CDC14B: variants seen among roughly 807,000 people sequenced by gnomAD.
The protein encoded by CDC14B is cell division cycle 14B, also known as dual specificity protein phosphatase CDC14B.
A neutral mutation model predicts 64.2 loss-of-function variants in CDC14B; 22 were observed. That is an observed-to-expected ratio of 0.34 (90% CI 0.24 to 0.49). CDC14B has a LOEUF of 0.49. Among genes scored for constraint, CDC14B ranks in the 20% least tolerant of loss-of-function variants. The pLI is 0.99. For missense variants in CDC14B, 498 were observed against 629.9 expected (o/e 0.79, Z 2.24); for synonymous variants, 191 against 215.8 (o/e 0.89, Z 1.01).
At chr9:96,498,143 C>T (rs1400400484), downstream of CDC14B, among the ~76,000 whole-genome samples, 1 of 152,214 alleles carries the variant, frequency 6.6e-6, no homozygotes, top group Non-Finnish European at 1.5e-5. Flanking sequence ...AGCTCGTGTT[C>T]TTGGAGAATT....
At chr9:96,537,755 C>G (rs576820672) in intron 7 of CDC14B, among the ~76,000 whole-genome samples, 1 of 152,092 alleles carries the variant, frequency 6.6e-6, no homozygotes, top group South Asian at 2.1e-4. Context: ...CAGAATCTTG[C>G]TCTGTCACCC....
intron 13 of CDC14B, among the ~76,000 whole-genome samples, chr9:96,504,182 GAATGA>G (rs1178070285): frequency 6.6e-6 from 1 of 152,096 alleles, no homozygotes; most frequent in Non-Finnish European, 1.5e-5. Context: ...GGAGCGGGCA[GAATGA>G]AAAGATAGAG....
At chr9:96,596,712 T>C (rs1238276783) in intron 1 of CDC14B, among the ~76,000 whole-genome samples, 1 of 151,828 alleles carries the variant, frequency 6.6e-6, no homozygotes, top group African/African-American at 2.4e-5. Flanking sequence ...AATACAAAAA[T>C]TAGCCAAGAG....
intron 3 of CDC14B, among the ~76,000 whole-genome samples, chr9:96,563,900 G>T (rs1417080020): frequency 6.6e-6 from 1 of 152,046 alleles, no homozygotes; most frequent in African/African-American, 2.4e-5. Context: ...GCCATAAATA[G>T]TTATATTCCT....
intron 9 of CDC14B, among the ~76,000 whole-genome samples, chr9:96,533,435 C>CT (rs1040626686): frequency 2.6e-5 from 4 of 152,282 alleles, no homozygotes; most frequent in Middle Eastern, 3.4e-3. Flanking sequence ...GCTTGCTGAG[C>CT]TTTTTTTCCA....
At chr9:96,563,722 TA>T (rs1303589116) in intron 3 of CDC14B, among the ~76,000 whole-genome samples, 1 of 144,780 alleles carries the variant, frequency 6.9e-6, no homozygotes, top group Non-Finnish European at 1.5e-5. Flanking sequence ...ACCCAAAGAC[TA>T]AAAGTCCACA....
chr9:96,573,159 A>C lies in CDC14B; in HGVS notation c.161-7676T>G, dbSNP rs532133305. Among the ~76,000 whole-genome samples the C allele has an allele frequency of 9.9e-5, 15 of 152,110 alleles. No individual in the cohort carries two copies. The South Asian group carries it at 3.1e-3, about 32-fold the overall frequency. On this transcript the variant is annotated intron_variant, in intron 1 of 13. Transcript: ENST00000375241. Reference sequence around the variant, plus strand: ...CAGCATCTCTACTAAAAATACAAAAAATTAGCTGGGTATGGGTGGCCCGCG... The same window carrying C: ...CAGCATCTCTACTAAAAATACAAAACATTAGCTGGGTATGGGTGGCCCGCG...
intron 1 of CDC14B, among the ~76,000 whole-genome samples, chr9:96,594,279 T>C (rs76549245): frequency 0.054 from 8,171 of 152,048 alleles, 316 homozygotes; most frequent in Middle Eastern, 0.088. Context: ...CCAGGGAAAA[T>C]CAAGGCAGCA....
intron 12 of CDC14B, among the ~76,000 whole-genome samples, chr9:96,520,080 A>T (rs1287287511): frequency 6.6e-6 from 1 of 152,226 alleles, no homozygotes; most frequent in Non-Finnish European, 1.5e-5. Flanking sequence ...TGCAAATAAT[A>T]GCAGAGAGGG....
chr9:96,619,150 G>C, intron 1 of CDC14B, 69 bp downstream of exon 1: 5 of 1,185,308 alleles, frequency 4.2e-6, no homozygotes, highest in Non-Finnish European at 5.3e-6. Flanking sequence ...AGCCCGGTGG[G>C]AGGTGGGCCA....
intron 1 of CDC14B, among the ~76,000 whole-genome samples, chr9:96,583,847 T>C (rs1439088607): frequency 3.3e-5 from 5 of 152,192 alleles, no homozygotes; most frequent in Non-Finnish European, 7.3e-5. Flanking sequence ...GCCTTCCAAG[T>C]AGCTGGGACT....
At chr9:96,579,325 C>T (rs949298661) in intron 1 of CDC14B, among the ~76,000 whole-genome samples, 4 of 151,902 alleles carry the variant, frequency 2.6e-5, no homozygotes, top group Non-Finnish European at 4.4e-5. Flanking sequence ...CAGTGGCTCA[C>T]GCCTGTAATC....
Position 96,512,079 on chromosome 9 carries a change from C to T in CDC14B, c.1344-2290G>A, listed in dbSNP as rs570925090. 3.3e-5 allele frequency among the ~76,000 whole-genome samples: 5 copies of T among 151,348 alleles called. No homozygotes were observed. In the East Asian group the frequency reaches 7.8e-4, roughly 24 times the overall value. Reference sequence around the variant, plus strand: ...AAAATAATAATAATAATTAGCCGGGCGTGGTGGGGCGTGCCTTGGTTCCAG... The same window carrying T: ...AAAATAATAATAATAATTAGCCGGGTGTGGTGGGGCGTGCCTTGGTTCCAG... On this transcript the variant is annotated intron_variant, in intron 12 of 13. Coordinates refer to ENST00000375241, the MANE Select transcript of CDC14B (RefSeq NM_033331.4).
At chr9:96,618,702 C>T (rs1847793955) in intron 1 of CDC14B, 1 of 437,088 alleles carries the variant, frequency 2.3e-6, no homozygotes, top group Non-Finnish European at 4.5e-6. Context: ...GGACGGGCAA[C>T]GCGGCGCCCA....
intron 9 of CDC14B, among the ~76,000 whole-genome samples, chr9:96,523,938 A>G (rs1348627758): frequency 1.3e-5 from 2 of 152,122 alleles, no homozygotes; most frequent in Non-Finnish European, 2.9e-5. Flanking sequence ...TGTTTCATTT[A>G]TCTATTTATT....
intron 1 of CDC14B, among the ~76,000 whole-genome samples, chr9:96,573,528 G>C (rs1224241488): frequency 6.6e-6 from 1 of 151,960 alleles, no homozygotes; most frequent in Non-Finnish European, 1.5e-5. Context: ...TCAACAGGAA[G>C]ACTCAATATC....
At chr9:96,603,620 A>G (rs1399376005) in intron 1 of CDC14B, among the ~76,000 whole-genome samples, 1 of 152,212 alleles carries the variant, frequency 6.6e-6, no homozygotes, top group Non-Finnish European at 1.5e-5. Flanking sequence ...AAAACTATTA[A>G]GCTTCCAACG....
rs997019074 is a variant in CDC14B at position 96,500,766 on chromosome 9, C to T, written c.*2987G>A. 2.0e-5 allele frequency: 3 copies of T among 152,190 alleles called. No individual in the cohort carries two copies. The highest frequency in any genetic ancestry group is 2.0e-4 in the Admixed American group (3 of 15,272). 9.4% of individuals were successfully genotyped at this position (152,190 alleles called of 1,614,324 possible). A position where few individuals can be genotyped will look rare whatever the true frequency, so the allele number is the denominator to read the frequency against. On this transcript the variant is annotated 3_prime_UTR_variant, in exon 14 of 14. Coordinates refer to ENST00000375241, the MANE Select transcript of CDC14B (RefSeq NM_033331.4). ...ATTTTTTTTAATGTAGAAAGAGAAG[C>T]TGTGTTAAGAACAGACATCCAATGA...
chr9:96,494,659 G>A lies in CDC14B; in HGVS notation c.*81-1407C>T, dbSNP rs1833171905. 2.0e-5 allele frequency among the ~76,000 whole-genome samples: 3 copies of A among 152,286 alleles called. No homozygotes were observed. The South Asian group carries it at 6.2e-4, about 32-fold the overall frequency. ...TACGCCTTGGGCCAATCAGTCCTCT[G>A]TGGGGAAAATCAGGGAACCACTGCC... is the stretch of plus-strand genomic sequence containing the variant. On this transcript the variant is annotated intron_variant and NMD_transcript_variant, in intron 13 of 13. Transcript: ENST00000474602.
Sources: gnomAD v4.1 joint callset for allele counts (sites outside exome capture counted in the v4.1 genomes callset) on GRCh38, gnomAD v4.1.1 for gene constraint, MANE v1.5 for transcripts, NCBI Gene and HGNC (gene_info 2026-07-23, HGNC 2026-07-21) for gene names.